CACNA2D3: variants seen among roughly 807,000 people sequenced by gnomAD.
CACNA2D3 encodes calcium voltage-gated channel auxiliary subunit alpha2delta 3, also known as voltage-dependent calcium channel subunit alpha-2/delta-3.
Under a neutral mutation model 160.6 loss-of-function variants are expected in CACNA2D3, and 60 were observed. That is an observed-to-expected ratio of 0.37 (90% CI 0.30 to 0.46). CACNA2D3 has a LOEUF of 0.46. Ranked by LOEUF, CACNA2D3 falls within the 20% of genes least tolerant of loss-of-function variation. The probability of loss-of-function intolerance (pLI) is 1.00; values close to 1 mark genes in which losing one functional copy is unlikely to be tolerated. For missense variants in CACNA2D3, 1,205 were observed against 1,365.0 expected, an observed-to-expected ratio of 0.88 and a Z score of 1.85; for synonymous variants, 558 against 492.9, an observed-to-expected ratio of 1.13 and a Z score of -1.75.
At chr3:54,943,808 G>C (rs937008075) in intron 27 of CACNA2D3, among the ~76,000 whole-genome samples, 3 of 152,064 alleles carry the variant, frequency 2.0e-5, no homozygotes, top group Non-Finnish European at 4.4e-5. Flanking sequence ...GGGCATGCAG[G>C]CACCTAAGAC....
intron 4 of CACNA2D3, among the ~76,000 whole-genome samples, chr3:54,473,135 C>A (rs554695097): frequency 6.6e-6 from 1 of 152,172 alleles, no homozygotes; most frequent in African/African-American, 2.4e-5. Flanking sequence ...TCAAACTATA[C>A]TACAAGACTA....
At position 54,428,982 on chromosome 3, in the gene CACNA2D3, A is replaced by G. The variant is rs78641859; in HGVS notation, c.381+42208A>G. Among the ~76,000 whole-genome samples the G allele has an allele frequency of 3.7e-3, 569 of 152,350 alleles. 19 individuals carry two copies. In the East Asian group the frequency reaches 0.072, roughly 19 times the overall value. ...GAGATCAGATGCCTGTTGTAGCCCA[A>G]GGAGGGTGAATCTTTGGTCAGCCCT... On this transcript the variant is annotated intron_variant, in intron 4 of 37. Coordinates refer to ENST00000474759, the MANE Select transcript of CACNA2D3 (RefSeq NM_018398.3).
chr3:54,401,720 C>G (rs991982705), intron 4 of CACNA2D3, among the ~76,000 whole-genome samples: 3 of 152,140 alleles, frequency 2.0e-5, no homozygotes, highest in Non-Finnish European at 2.9e-5. Flanking sequence ...GAGAATTTAT[C>G]ACCACTAAAC....
chr3:55,038,544 A>C (rs1456828383), intron 35 of CACNA2D3, among the ~76,000 whole-genome samples: 1 of 152,132 alleles, frequency 6.6e-6, no homozygotes, highest in Non-Finnish European at 1.5e-5. Flanking sequence ...TGGTATACGC[A>C]CATATTAATA....
At chr3:54,283,977 G>A (rs1032866058) in intron 2 of CACNA2D3, among the ~76,000 whole-genome samples, 1 of 152,150 alleles carries the variant, frequency 6.6e-6, no homozygotes, top group African/African-American at 2.4e-5. Context: ...CACGGGAATT[G>A]CTTGAACACA....
intron 31 of CACNA2D3, among the ~76,000 whole-genome samples, chr3:54,998,459 C>T (rs1473386026): frequency 6.6e-6 from 1 of 152,066 alleles, no homozygotes; most frequent in Non-Finnish European, 1.5e-5. Context: ...CTTATGGTTA[C>T]TGTTCTTCTT....
chr3:54,349,008 A>T (rs1698506164), intron 3 of CACNA2D3, among the ~76,000 whole-genome samples: 2 of 152,188 alleles, frequency 1.3e-5, no homozygotes, highest in Admixed American at 1.3e-4. Flanking sequence ...GATTACAGGC[A>T]TGAGCCACTG....
At chr3:54,891,260 C>T in intron 24 of CACNA2D3, 95 bp from the exon 25 acceptor site, 1 of 639,968 alleles carries the variant, frequency 1.6e-6, no homozygotes, top group Non-Finnish European at 2.7e-6. Context: ...TTCAAAACTG[C>T]TATTTGGTAA....
intron 5 of CACNA2D3, among the ~76,000 whole-genome samples, chr3:54,533,237 A>T (rs1423118518): frequency 2.6e-5 from 4 of 152,010 alleles, no homozygotes; most frequent in Non-Finnish European, 5.9e-5. Flanking sequence ...GGAATGATGC[A>T]GTCCGTGGTT....
chr3:54,814,964 C>T (rs897626669), intron 13 of CACNA2D3, among the ~76,000 whole-genome samples: 4 of 152,184 alleles, frequency 2.6e-5, no homozygotes, highest in East Asian at 1.9e-4. Context: ...AGCTGCGATT[C>T]GACACAAACA....
intron 11 of CACNA2D3, among the ~76,000 whole-genome samples, chr3:54,690,217 TCTC>T (rs1415742435): frequency 6.6e-6 from 1 of 152,136 alleles, no homozygotes; most frequent in Non-Finnish European, 1.5e-5. Context: ...TTTATTTTTC[TCTC>T]CTCTCCACTA....
intron 9 of CACNA2D3, among the ~76,000 whole-genome samples, chr3:54,602,584 A>G (rs1703083276): frequency 1.3e-5 from 2 of 151,778 alleles, no homozygotes; most frequent in Non-Finnish European, 1.5e-5. Flanking sequence ...CCGTCTGAGC[A>G]CAGAGCATAT....
intron 11 of CACNA2D3, among the ~76,000 whole-genome samples, chr3:54,660,187 G>T (rs1189455796): frequency 1.3e-5 from 2 of 148,692 alleles, no homozygotes; most frequent in African/African-American, 2.5e-5. Flanking sequence ...TTGAGACAGA[G>T]TCTTGCTCTG....
chr3:54,945,807 G>A (rs1701598217), intron 27 of CACNA2D3, among the ~76,000 whole-genome samples: 1 of 152,180 alleles, frequency 6.6e-6, no homozygotes, highest in African/African-American at 2.4e-5. Flanking sequence ...ACCAGGCAGG[G>A]TTTGCAGCAT....
intron 11 of CACNA2D3, among the ~76,000 whole-genome samples, chr3:54,651,431 A>G (rs996359165): frequency 1.3e-5 from 2 of 151,872 alleles, no homozygotes; most frequent in African/African-American, 4.8e-5. Context: ...TCGAGAAAAA[A>G]AAAAAAAAAA....
intron 2 of CACNA2D3, among the ~76,000 whole-genome samples, chr3:54,202,379 G>A (rs1013171342): frequency 2.8e-4 from 43 of 152,240 alleles, no homozygotes; most frequent in African/African-American, 1.0e-3. Context: ...GCTGCAGGCA[G>A]TTAGACTGGA....
intron 5 of CACNA2D3, among the ~76,000 whole-genome samples, chr3:54,532,497 C>G (rs189157572): frequency 3.0e-4 from 46 of 152,336 alleles, no homozygotes; most frequent in Non-Finnish European, 6.0e-4. Flanking sequence ...ATTTCATTCT[C>G]TATGTCCATG....
At chr3:54,760,432 A>G (rs1178232039) in intron 12 of CACNA2D3, among the ~76,000 whole-genome samples, 1 of 152,062 alleles carries the variant, frequency 6.6e-6, no homozygotes, top group Non-Finnish European at 1.5e-5. Context: ...GAGGTCACCC[A>G]GGTAGGTGGA....
chr3:55,070,470 C>T (rs924085541), intron 35 of CACNA2D3, among the ~76,000 whole-genome samples: 11 of 152,096 alleles, frequency 7.2e-5, no homozygotes, highest in Admixed American at 5.2e-4. Context: ...AGCATGTTTG[C>T]CAACCTCCAG....
Sources: allele counts gnomAD v4.1 joint callset (sites outside exome capture counted in the v4.1 genomes callset), GRCh38; gene constraint gnomAD v4.1.1; transcripts MANE v1.5; gene names NCBI Gene and HGNC (gene_info 2026-07-23, HGNC 2026-07-21).